The following GRAP2 variants were observed in gnomAD, a reference collection of about 807,000 sequenced individuals.
GRAP2 encodes the protein GRB2-related adapter protein 2.
GRAP2 carries 31 observed loss-of-function variants against 43.5 expected under a neutral mutation model. The observed-to-expected ratio is 0.71, with a 90% CI of 0.54 to 0.96. The LOEUF (loss-of-function observed/expected upper bound fraction) is 0.96. Among genes scored for constraint, GRAP2 ranks in the 40% least tolerant of loss-of-function variants. The probability of loss-of-function intolerance (pLI) is 0.00; values close to 1 mark genes in which losing one functional copy is unlikely to be tolerated. For synonymous variants in GRAP2, 156 were observed against 164.8 expected, an observed-to-expected ratio of 0.95 and a Z score of 0.41; for missense variants, 371 against 424.4, an observed-to-expected ratio of 0.87 and a Z score of 1.11.
intron 1 of GRAP2, among the ~76,000 whole-genome samples, chr22:39,913,262 G>T (rs2066580189): frequency 6.6e-6 from 1 of 151,920 alleles, no homozygotes; most frequent in Non-Finnish European, 1.5e-5. Flanking sequence ...AGCCCCAGGA[G>T]GGGTGGAAGG....
At chr22:39,939,765 G>T (rs947473269) in intron 1 of GRAP2, among the ~76,000 whole-genome samples, 2 of 151,806 alleles carry the variant, frequency 1.3e-5, no homozygotes, top group South Asian at 2.1e-4. Context: ...AAAAATTAGC[G>T]GACCGTGGTG....
chr22:39,917,997 GC>G (rs1344565920), intron 1 of GRAP2, among the ~76,000 whole-genome samples: 2 of 152,134 alleles, frequency 1.3e-5, no homozygotes, highest in Admixed American at 6.5e-5. Context: ...TCTGGCTCTA[GC>G]TTTTTCCCCC....
intron 1 of GRAP2, among the ~76,000 whole-genome samples, chr22:39,909,427 G>T (rs1403448245): frequency 6.6e-6 from 1 of 152,208 alleles, no homozygotes; most frequent in Non-Finnish European, 1.5e-5. Flanking sequence ...TACTTTGTCA[G>T]ATCATATTAT....
At chr22:39,920,956 A>G (rs1445933626) in intron 1 of GRAP2, among the ~76,000 whole-genome samples, 2 of 97,960 alleles carry the variant, frequency 2.0e-5, no homozygotes, top group Non-Finnish European at 4.1e-5. Context: ...ACACACACAC[A>G]CACACACACA....
At chr22:39,939,963 T>C (rs2145622752) in intron 1 of GRAP2, among the ~76,000 whole-genome samples, 1 of 152,254 alleles carries the variant, frequency 6.6e-6, no homozygotes, top group East Asian at 1.9e-4. Context: ...CATAGCTACC[T>C]GCACACTTTA....
chr22:39,900,662 A>G (rs1394704169), upstream of GRAP2, among the ~76,000 whole-genome samples: 3 of 152,220 alleles, frequency 2.0e-5, no homozygotes, highest in African/African-American at 4.8e-5. Flanking sequence ...GTGAGAATGC[A>G]TCCCAGCTCA....
rs773147822 is a variant in GRAP2 at position 39,968,022 on chromosome 22, ATC to A, written c.460-16_460-15del. The A allele has an allele frequency of 1.0e-5, 16 of 1,605,628 alleles. No individual in the cohort carries two copies. In the African/African-American group the frequency reaches 2.0e-4, roughly 20 times the overall value. On this transcript the variant is annotated intron_variant, in intron 5 of 7. Coordinates refer to ENST00000344138, the MANE Select transcript of GRAP2 (RefSeq NM_004810.4). ...TCAGAGAGGAGGATGCATCTGCAGC[ATC>A]TCTGTTCTTTCTCCCAGGGTCACCG...
upstream of GRAP2, among the ~76,000 whole-genome samples, chr22:39,898,970 A>G (rs1317776373): frequency 6.6e-6 from 1 of 152,244 alleles, no homozygotes; most frequent in Non-Finnish European, 1.5e-5. Flanking sequence ...ATGTTACTGT[A>G]TCCTCCTCAT....
intron 2 of GRAP2, 117 bp from the exon 3 acceptor site, chr22:39,955,702 C>T: frequency 1.6e-6 from 1 of 609,892 alleles, no homozygotes; most frequent in South Asian, 1.8e-5. Flanking sequence ...GTTCTTTCAA[C>T]TTATTAACAT....
chr22:39,969,616 C>G (rs2067217343), intron 7 of GRAP2, 83 bp downstream of exon 7: 2 of 1,457,456 alleles, frequency 1.4e-6, no homozygotes, highest in Non-Finnish European at 1.9e-6. Context: ...AGGAGAGACT[C>G]AAACCACACA....
At chr22:39,946,963 C>T in intron 1 of GRAP2, 130 bp from the exon 2 acceptor site, 1 of 664,276 alleles carries the variant, frequency 1.5e-6, no homozygotes, top group Non-Finnish European at 2.8e-6. Context: ...TGTGCCTGAG[C>T]CTTGCTCTCC....
In GRAP2 at chr22:39,971,088, C is replaced by A; in HGVS notation, c.*4C>A. ...CGTGGCACCCATGACCCGATAAACT[C>A]TTCAGGGGACAGAAGCTTTTTGTCT... is the stretch of plus-strand genomic sequence containing the variant. On this transcript the variant is annotated 3_prime_UTR_variant, in exon 8 of 8. Transcript: ENST00000344138. 6.2e-7 allele frequency: 1 copy of A among 1,602,824 alleles called. No homozygotes were observed. The highest frequency in any genetic ancestry group is 8.5e-7 in the Non-Finnish European group (1 of 1,175,438).
intron 1 of GRAP2, among the ~76,000 whole-genome samples, chr22:39,946,107 C>T (rs560405707): frequency 1.8e-4 from 28 of 152,282 alleles, no homozygotes; most frequent in East Asian, 3.9e-4. Flanking sequence ...GTGATCTGCC[C>T]GCCTCGACCT....
chr22:39,899,054 T>C (rs898616211), upstream of GRAP2, among the ~76,000 whole-genome samples: 1 of 152,242 alleles, frequency 6.6e-6, no homozygotes, highest in Non-Finnish European at 1.5e-5. Flanking sequence ...AGGGTCTTTA[T>C]TCTTAGGATC....
intron 2 of GRAP2, among the ~76,000 whole-genome samples, chr22:39,954,124 G>A (rs773232538): frequency 3.3e-5 from 5 of 152,124 alleles, no homozygotes; most frequent in African/African-American, 9.7e-5. Flanking sequence ...CAAGGCAAGT[G>A]GTCTCTCCTC....
At chr22:39,903,227 C>T (rs547136802) in intron 1 of GRAP2, among the ~76,000 whole-genome samples, 1 of 152,074 alleles carries the variant, frequency 6.6e-6, no homozygotes, top group Non-Finnish European at 1.5e-5. Context: ...CATTTTTGTG[C>T]CCCTATCAAA....
At chr22:39,911,384 C>CTGG (rs1453987888) in intron 1 of GRAP2, among the ~76,000 whole-genome samples, 1 of 151,642 alleles carries the variant, frequency 6.6e-6, no homozygotes, top group African/African-American at 2.4e-5. Context: ...CCCTCCATCA[C>CTGG]CTCCCCCAGC....
At chr22:39,910,063 C>G (rs2066548831) in intron 1 of GRAP2, among the ~76,000 whole-genome samples, 1 of 152,316 alleles carries the variant, frequency 6.6e-6, no homozygotes, top group East Asian at 1.9e-4. Flanking sequence ...CTTTTTCAAG[C>G]ATAAATATCC....
intron 1 of GRAP2, among the ~76,000 whole-genome samples, chr22:39,935,838 A>C (rs188652048): frequency 2.0e-4 from 30 of 152,276 alleles, no homozygotes; most frequent in Non-Finnish European, 4.0e-4. Context: ...GATGAGAATT[A>C]AGGTAGCCCA....
Sources: gnomAD v4.1 joint callset for allele counts (sites outside exome capture counted in the v4.1 genomes callset) on GRCh38, gnomAD v4.1.1 for gene constraint, MANE v1.5 for transcripts, NCBI Gene and HGNC (gene_info 2026-07-23, HGNC 2026-07-21) for gene names.